TYW1B: variants seen among roughly 807,000 people sequenced by gnomAD.
The protein encoded by TYW1B is S-adenosyl-L-methionine-dependent tRNA 4-demethylwyosine synthase TYW1B.
A neutral mutation model predicts 86.9 loss-of-function variants in TYW1B; 73 were observed. The observed-to-expected ratio is 0.84, with a 90% CI of 0.70 to 1.02. TYW1B has a LOEUF of 1.02. Ranked by LOEUF, TYW1B falls within the 50% of genes least tolerant of loss-of-function variation. TYW1B has a pLI of 0.00. For synonymous variants in TYW1B, 248 were observed against 292.8 expected (o/e 0.85, Z 1.56); for missense variants, 637 against 827.4 (o/e 0.77, Z 2.82).
chr7:72,788,298 C>T (rs1160246986), intron 6 of TYW1B, among the ~76,000 whole-genome samples: 1 of 152,008 alleles, frequency 6.6e-6, no homozygotes, highest in Admixed American at 6.6e-5. Context: ...TTCTTAATAG[C>T]TCCTCTTCCC....
chr7:72,740,733 C>CTTTT (rs71071910), intron 8 of TYW1B, among the ~76,000 whole-genome samples: 1 of 137,386 alleles, frequency 7.3e-6, no homozygotes, highest in African/African-American at 2.7e-5. Flanking sequence ...ATGCAGTTTT[C>CTTTT]TTTTTTTTTT....
chr7:72,583,690 G>C lies in TYW1B; in HGVS notation c.1786-7971C>G, dbSNP rs558358768. On this transcript the variant is annotated intron_variant, in intron 13 of 13. Transcript: ENST00000620995. Reference sequence around the variant, plus strand: ...CAACAACCTCAGCCAAAAAATGTAGGGCAGAGGAAAGGAGAGGACTGGCAG... The same window carrying C: ...CAACAACCTCAGCCAAAAAATGTAGCGCAGAGGAAAGGAGAGGACTGGCAG... 1.8e-4 allele frequency among the ~76,000 whole-genome samples: 28 copies of C among 152,258 alleles called. No homozygotes were observed. In the South Asian group the frequency reaches 5.9e-3, roughly 32 times the overall value.
chr7:72,661,696 A>G (rs1270536256), intron 11 of TYW1B, among the ~76,000 whole-genome samples: 2 of 151,732 alleles, frequency 1.3e-5, no homozygotes, highest in Non-Finnish European at 2.9e-5. Context: ...ATTTTGCTTT[A>G]AAGAGCTTAA....
rs535531342 is a variant in TYW1B, at chr7:72,813,870, C to G, written c.237+1510G>C. 2.0e-5 allele frequency among the ~76,000 whole-genome samples: 3 copies of G among 152,026 alleles called. No individual in the cohort carries two copies. In the East Asian group the frequency reaches 5.8e-4, roughly 30 times the overall value. On this transcript the variant is annotated intron_variant, in intron 3 of 13. Transcript: ENST00000620995. The stretch of plus-strand genomic sequence containing the variant: ...TGTCTGTTAAAAATACAAAAATTAG[C>G]CAGGTGTGGTGGTGGGCACCTGTAA...
At chr7:72,695,023 A>G (rs1467506695) in intron 10 of TYW1B, among the ~76,000 whole-genome samples, 1 of 152,134 alleles carries the variant, frequency 6.6e-6, no homozygotes, top group Non-Finnish European at 1.5e-5. Context: ...ATGACTGGAA[A>G]CCATCCCTAA....
chr7:72,632,385 T>C lies in TYW1B; in HGVS notation c.1507-3388A>G, dbSNP rs1307511196. On this transcript the variant is annotated intron_variant, in intron 11 of 13. Coordinates refer to ENST00000620995, the MANE Select transcript of TYW1B (RefSeq NM_001145440.3). The stretch of plus-strand genomic sequence containing the variant: ...TATATACGCATATATATTATATATA[T>C]ACGTATATATATATAATATATATAT... 6.1e-5 allele frequency among the ~76,000 whole-genome samples: 7 copies of C among 114,828 alleles called. 1 individual carries two copies. The highest frequency in any genetic ancestry group is 2.0e-4 in the African/African-American group (5 of 24,760). 75.3% of individuals were successfully genotyped at this position (114,828 alleles called of 152,430 possible).
intron 2 of TYW1B, among the ~76,000 whole-genome samples, chr7:72,823,755 G>C (rs1174050139): frequency 6.6e-6 from 1 of 152,104 alleles, no homozygotes; most frequent in Non-Finnish European, 1.5e-5. Context: ...TTAAGCCACT[G>C]AGACTTGAGG....
chr7:72,699,111 G>A lies in TYW1B; in HGVS notation c.1371-4289C>T, dbSNP rs190505300. Reference sequence around the variant, plus strand: ...AAATGTAATGGGTATAAATGGAGGAGTGAGTTGATTTTGCTTGGCAAAATC... The same window carrying A: ...AAATGTAATGGGTATAAATGGAGGAATGAGTTGATTTTGCTTGGCAAAATC... On this transcript the variant is annotated intron_variant, in intron 10 of 13. Transcript: ENST00000620995. 4.9e-3 allele frequency among the ~76,000 whole-genome samples: 747 copies of A among 152,232 alleles called. 2 individuals carry two copies. The highest frequency in any genetic ancestry group is 1.0e-2 in the South Asian group (48 of 4,824).
intron 11 of TYW1B, among the ~76,000 whole-genome samples, chr7:72,643,205 TA>T (rs1812843747): frequency 6.6e-6 from 1 of 151,598 alleles, no homozygotes; most frequent in East Asian, 1.9e-4. Context: ...GAACAGAAAT[TA>T]ATAGAAGAAA....
intron 12 of TYW1B, among the ~76,000 whole-genome samples, chr7:72,622,714 ACAC>A (rs551089783): frequency 1.5e-3 from 229 of 151,862 alleles, no homozygotes; most frequent in Middle Eastern, 6.8e-3. Flanking sequence ...ACATGCACAC[ACAC>A]AACACACATA....
intron 6 of TYW1B, among the ~76,000 whole-genome samples, chr7:72,795,608 G>C (rs1410385196): frequency 2.7e-5 from 4 of 150,740 alleles, no homozygotes; most frequent in African/African-American, 9.8e-5. Flanking sequence ...AATTTGGTTG[G>C]TTGGTGTAGG....
intron 13 of TYW1B, among the ~76,000 whole-genome samples, chr7:72,579,858 C>T (rs1811111165): frequency 6.6e-6 from 1 of 152,078 alleles, no homozygotes; most frequent in African/African-American, 2.4e-5. Context: ...GCTATTTTGC[C>T]CAGGCTGCTC....
intron 13 of TYW1B, among the ~76,000 whole-genome samples, chr7:72,606,926 A>G (rs1236139678): frequency 6.6e-6 from 1 of 152,220 alleles, no homozygotes; most frequent in Non-Finnish European, 1.5e-5. Flanking sequence ...CATAACACCT[A>G]AAATGTCTGA....
chr7:72,809,695 C>T (rs1253418336), intron 4 of TYW1B, among the ~76,000 whole-genome samples: 1 of 151,718 alleles, frequency 6.6e-6, no homozygotes, highest in Non-Finnish European at 1.5e-5. Flanking sequence ...TTTAAGAGTT[C>T]ACCTGCATAA....
intron 7 of TYW1B, among the ~76,000 whole-genome samples, chr7:72,774,196 T>A (rs1787913814): frequency 6.6e-6 from 1 of 151,986 alleles, no homozygotes; most frequent in Admixed American, 6.6e-5. Flanking sequence ...TGTACCTGTT[T>A]CTGCCAGTCA....
At chr7:72,616,964 G>C (rs1368227754) in intron 12 of TYW1B, 125 bp from the exon 13 acceptor site, 1 of 1,283,126 alleles carries the variant, frequency 7.8e-7, no homozygotes, top group East Asian at 2.4e-5. Flanking sequence ...TACAGTGAAG[G>C]AAGTGAATAT....
At chr7:72,727,811 CAAA>C (rs10714290) in intron 9 of TYW1B, among the ~76,000 whole-genome samples, 1 of 107,660 alleles carries the variant, frequency 9.3e-6, no homozygotes, top group Non-Finnish European at 1.8e-5. Context: ...AGATCCGGTC[CAAA>C]AAAAAAAAAA....
chr7:72,660,618 A>T (rs1361362778), intron 11 of TYW1B, among the ~76,000 whole-genome samples: 1 of 152,186 alleles, frequency 6.6e-6, no homozygotes, highest in African/African-American at 2.4e-5. Flanking sequence ...TTATAGATAT[A>T]TTCCTCTATG....
At chr7:72,609,778 G>A (rs782396910) in intron 13 of TYW1B, among the ~76,000 whole-genome samples, 2 of 152,108 alleles carry the variant, frequency 1.3e-5, no homozygotes, top group Non-Finnish European at 2.9e-5. Context: ...TATAAGAATA[G>A]AGAGGCCATG....
Sources: gnomAD v4.1 joint callset for allele counts (sites outside exome capture counted in the v4.1 genomes callset) on GRCh38, gnomAD v4.1.1 for gene constraint, MANE v1.5 for transcripts, NCBI Gene and HGNC (gene_info 2026-07-23, HGNC 2026-07-21) for gene names.